The following ANXA6 variants were observed in gnomAD, a reference collection of about 807,000 sequenced individuals.
ANXA6 encodes 67 kDa calelectrin.
Under a neutral mutation model 95.4 loss-of-function variants are expected in ANXA6, and 71 were observed. The ratio of observed to expected loss-of-function variants is 0.74; its 90% CI spans 0.61 to 0.91. ANXA6 has a LOEUF of 0.91. Ranked by LOEUF, ANXA6 falls within the 40% of genes least tolerant of loss-of-function variation. ANXA6 has a pLI of 0.00. For missense variants in ANXA6, 830 were observed against 876.4 expected, an observed-to-expected ratio of 0.95 and a Z score of 0.67; for synonymous variants, 289 against 315.9, an observed-to-expected ratio of 0.91 and a Z score of 0.90.
rs576498939 is a variant in ANXA6, at chr5:151,136,239, A to G, written c.489+17T>C. 23 of 1,613,408 alleles carry G rather than the reference A, an allele frequency of 1.4e-5. No homozygotes were observed. The South Asian group carries it at 2.4e-4, about 17-fold the overall frequency. The stretch of plus-strand genomic sequence containing the variant: ...CTATCCCAAGCTCCAGAGGAAAAAA[A>G]TAGGCTGTGAACCAACCTGGAGCAG... On this transcript the variant is annotated intron_variant, in intron 7 of 25. Coordinates refer to ENST00000354546, the MANE Select transcript of ANXA6 (RefSeq NM_001155.5).
chr5:151,127,367 G>C (rs1006454289), intron 13 of ANXA6, among the ~76,000 whole-genome samples: 1 of 152,214 alleles, frequency 6.6e-6, no homozygotes, highest in Non-Finnish European at 1.5e-5. Flanking sequence ...ACACAAATCT[G>C]GTCAAGTAAT....
chr5:151,148,713 G>T (rs1413388627), intron 1 of ANXA6, among the ~76,000 whole-genome samples: 4 of 152,224 alleles, frequency 2.6e-5, no homozygotes, highest in Non-Finnish European at 5.9e-5. Flanking sequence ...GTGACAAGGG[G>T]TGTAGTCCCA....
intron 16 of ANXA6, 66 bp downstream of exon 16, chr5:151,122,851 A>G: frequency 7.0e-7 from 1 of 1,432,470 alleles, no homozygotes; most frequent in Non-Finnish European, 9.8e-7. Context: ...ACCGATGGGG[A>G]CAGGCTGAGC....
intron 13 of ANXA6, 35 bp downstream of exon 13, chr5:151,128,146 C>A: frequency 6.3e-7 from 1 of 1,593,598 alleles, no homozygotes; most frequent in Non-Finnish European, 8.6e-7. Flanking sequence ...ACCCCAAGGC[C>A]ATGCCCTCCA....
chr5:151,103,701 G>C lies in ANXA6; in HGVS notation c.1840-9C>G. Reference sequence around the variant, plus strand: ...TCATCTGTGCCAGCACCCTGGTGGAGCCAGGCAGGAGGGAGACACAGGCGG... The same window carrying C: ...TCATCTGTGCCAGCACCCTGGTGGACCCAGGCAGGAGGGAGACACAGGCGG... On this transcript the variant is annotated splice_polypyrimidine_tract_variant and intron_variant, in intron 24 of 25. Coordinates refer to ENST00000354546, the MANE Select transcript of ANXA6 (RefSeq NM_001155.5). The C allele has an allele frequency of 6.2e-7, 1 of 1,606,140 alleles. No homozygotes were observed. Among genetic ancestry groups the C allele is most frequent in the Non-Finnish European group, 8.5e-7 (1 of 1,176,388 alleles).
rs374143469 is a variant in ANXA6 at position 151,129,516 on chromosome 5, C to T, written c.809G>A (p.Arg270Gln). The T allele has an allele frequency of 3.7e-5, 59 of 1,604,576 alleles. No homozygotes were observed. The highest frequency in any genetic ancestry group is 6.7e-5 in the African/African-American group (5 of 74,708). ...LFKAMKGLGT[R>Q]DNTLIRIMVS... ...CATGATGCGGATCAGGGTGTTGTCCCGAGTCCCCAGGCCCTGCAAGACAAG... is the reference window on the plus strand; with the variant it reads ...CATGATGCGGATCAGGGTGTTGTCCTGAGTCCCCAGGCCCTGCAAGACAAG... Residue 270 changes from arginine (R) to glutamine (Q), a missense_variant, in exon 12 of 26, where the codon CGG becomes CAG. Coordinates refer to ENST00000354546, the MANE Select transcript of ANXA6 (RefSeq NM_001155.5).
intron 15 of ANXA6, among the ~76,000 whole-genome samples, chr5:151,123,488 G>A (rs946613429): frequency 6.6e-6 from 1 of 152,210 alleles, no homozygotes; most frequent in Non-Finnish European, 1.5e-5. Flanking sequence ...ACCACAGCAG[G>A]TTGACTCTGG....
intron 23 of ANXA6, among the ~76,000 whole-genome samples, chr5:151,107,573 T>C (rs922266120): frequency 3.9e-5 from 6 of 152,220 alleles, no homozygotes; most frequent in African/African-American, 1.4e-4. Context: ...TCAAGATGTG[T>C]TTTATAATTG....
intron 1 of ANXA6, among the ~76,000 whole-genome samples, chr5:151,156,478 G>A (rs1766240739): frequency 6.6e-6 from 1 of 152,206 alleles, no homozygotes. Context: ...TCACCATGAA[G>A]GGCTACGCAG....
At chr5:151,114,923 G>A (rs1236174662) in intron 20 of ANXA6, among the ~76,000 whole-genome samples, 4 of 152,192 alleles carry the variant, frequency 2.6e-5, no homozygotes, top group Admixed American at 2.6e-4. Flanking sequence ...GTACTCATGT[G>A]CGTTATCTAA....
At chr5:151,156,935 A>G (rs1378918471) in intron 1 of ANXA6, among the ~76,000 whole-genome samples, 4 of 152,190 alleles carry the variant, frequency 2.6e-5, no homozygotes, top group African/African-American at 9.7e-5. Context: ...TCACACTGCA[A>G]CAGGGGCTGG....
At chr5:151,133,029 A>G in intron 9 of ANXA6, 65 bp downstream of exon 9, 1 of 1,113,466 alleles carries the variant, frequency 9.0e-7, no homozygotes, top group Non-Finnish European at 1.3e-6. Context: ...AAAAGAAAAG[A>G]GATAAAGAAA....
At chr5:151,154,295 G>GTATATATATATATATATATATA (rs58268342) in intron 1 of ANXA6, among the ~76,000 whole-genome samples, 10 of 138,942 alleles carry the variant, frequency 7.2e-5, no homozygotes, top group Non-Finnish European at 1.3e-4. Context: ...GCAGTTTGCA[G>GTATATATATATATATATATATA]TATATATATA....
At chr5:151,138,347 C>G (rs1765726865) in intron 5 of ANXA6, among the ~76,000 whole-genome samples, 1 of 152,152 alleles carries the variant, frequency 6.6e-6, no homozygotes, top group Admixed American at 6.5e-5. Flanking sequence ...TTAAGATGCC[C>G]TCTCAAACAA....
chr5:151,108,381 A>G (rs767718719), intron 23 of ANXA6, 74 bp downstream of exon 23: 12 of 1,392,250 alleles, frequency 8.6e-6, no homozygotes, highest in Non-Finnish European at 1.1e-5. Flanking sequence ...GGAGGCTGCC[A>G]AGGTTCTATT....
At chr5:151,155,917 C>T (rs914025334) in intron 1 of ANXA6, among the ~76,000 whole-genome samples, 9 of 152,280 alleles carry the variant, frequency 5.9e-5, no homozygotes, top group African/African-American at 1.9e-4. Context: ...TGCTGCAGTG[C>T]GGATGTGCCA....
intron 5 of ANXA6, 37 bp from the exon 6 acceptor site, chr5:151,137,358 G>A: frequency 6.4e-7 from 1 of 1,552,488 alleles, no homozygotes; most frequent in Non-Finnish European, 8.8e-7. Context: ...TTAAGGGCAG[G>A]GATGGGAGGT....
chr5:151,137,695 G>A (rs1319651027), intron 5 of ANXA6, among the ~76,000 whole-genome samples: 2 of 152,050 alleles, frequency 1.3e-5, no homozygotes, highest in East Asian at 1.9e-4. Context: ...CCCACCTCCC[G>A]CCTTGCTCCT....
intron 24 of ANXA6, among the ~76,000 whole-genome samples, chr5:151,104,040 A>C (rs1181798160): frequency 2.0e-5 from 3 of 152,224 alleles, no homozygotes; most frequent in Non-Finnish European, 4.4e-5. Flanking sequence ...TATCTTTAGA[A>C]GAGGGAGGGC....
Sources: gnomAD v4.1 joint callset for allele counts (sites outside exome capture counted in the v4.1 genomes callset) on GRCh38, gnomAD v4.1.1 for gene constraint, MANE v1.5 for transcripts, NCBI Gene and HGNC (gene_info 2026-07-23, HGNC 2026-07-21) for gene names.